Variants in CNTN4 observed in about 807,000 individuals in gnomAD.
CNTN4 encodes the protein contactin 4, also known as contactin-4.
Under a neutral mutation model 122.5 loss-of-function variants are expected in CNTN4, and 77 were observed. That is an observed-to-expected ratio of 0.63 (90% CI 0.52 to 0.76). The LOEUF (loss-of-function observed/expected upper bound fraction) is 0.76, where lower values mean the gene tolerates loss of function less well. Ranked by LOEUF, CNTN4 falls within the 30% of genes least tolerant of loss-of-function variation. The pLI is 0.00. For missense variants in CNTN4, 1,256 were observed against 1,259.1 expected (o/e 1.00, Z 0.04); for synonymous variants, 512 against 447.0 (o/e 1.15, Z -1.83).
At chr3:2,384,783 T>TG (rs1365632081) in intron 3 of CNTN4, among the ~76,000 whole-genome samples, 1 of 152,110 alleles carries the variant, frequency 6.6e-6, no homozygotes, top group African/African-American at 2.4e-5. Context: ...TGTGTGTGTG[T>TG]GTGTGTTCAT....
At chr3:2,227,363 C>G (rs1042730995) in intron 2 of CNTN4, among the ~76,000 whole-genome samples, 3 of 152,074 alleles carry the variant, frequency 2.0e-5, no homozygotes, top group African/African-American at 7.2e-5. Context: ...TAATATGAAC[C>G]TCAACAGTCC....
intron 2 of CNTN4, among the ~76,000 whole-genome samples, chr3:2,269,274 G>A (rs1166892135): frequency 6.6e-6 from 1 of 152,042 alleles, no homozygotes; most frequent in Non-Finnish European, 1.5e-5. Flanking sequence ...TTTAATCAGG[G>A]ATGTTTCTGG....
chr3:2,787,822 C>T (rs2091888150), intron 6 of CNTN4, among the ~76,000 whole-genome samples: 1 of 145,524 alleles, frequency 6.9e-6, no homozygotes, highest in African/African-American at 2.6e-5. Flanking sequence ...CAGGGTCTTG[C>T]TCTGTTGCCC....
At position 2,507,980 on chromosome 3, in the gene CNTN4, A is replaced by G. The variant is rs1310562260; in HGVS notation, c.-88-63436A>G. 2.0e-5 allele frequency among the ~76,000 whole-genome samples: 3 copies of G among 152,220 alleles called. No individual in the cohort carries two copies. The East Asian group carries it at 5.8e-4, about 30-fold the overall frequency. On this transcript the variant is annotated intron_variant, in intron 3 of 24. Transcript: ENST00000418658. ...ATATCAAGGCATATTGCACCCTTTTATCTAGCTCATAGGTCAATTTGATGT... is the reference window on the plus strand; with the variant it reads ...ATATCAAGGCATATTGCACCCTTTTGTCTAGCTCATAGGTCAATTTGATGT...
chr3:2,751,165 A>G (rs1374713515), intron 6 of CNTN4, among the ~76,000 whole-genome samples: 1 of 151,436 alleles, frequency 6.6e-6, no homozygotes. Flanking sequence ...AAAATTAGCC[A>G]GGCATGGTGG....
In CNTN4 at chr3:3,057,771, A is replaced by G. The variant is rs1435527748; in HGVS notation, c.*1551A>G. The G allele has an allele frequency of 6.6e-6, 1 of 152,582 alleles. No individual in the cohort carries two copies. The highest frequency in any genetic ancestry group is 1.5e-5 in the Non-Finnish European group (1 of 68,022). The allele number at this position is 152,582 out of a possible 1,614,324, so 9.5% of individuals were successfully genotyped here. A position where few individuals can be genotyped will look rare whatever the true frequency, so the allele number is the denominator to read the frequency against. ...AGCTGTGTTCCTTTCTTAGTTTGATATGGTTACTTCTATGTTGAAATAAAA... is the reference window on the plus strand; with the variant it reads ...AGCTGTGTTCCTTTCTTAGTTTGATGTGGTTACTTCTATGTTGAAATAAAA... On this transcript the variant is annotated 3_prime_UTR_variant, in exon 25 of 25. Coordinates refer to ENST00000418658, the MANE Select transcript of CNTN4 (RefSeq NM_175607.3).
At chr3:2,668,895 A>C (rs966537276) in intron 4 of CNTN4, among the ~76,000 whole-genome samples, 9 of 152,146 alleles carry the variant, frequency 5.9e-5, no homozygotes, top group African/African-American at 1.7e-4. Context: ...GATTACGTTT[A>C]TTGATTTGCA....
chr3:2,521,298 C>A (rs756336309), intron 3 of CNTN4, among the ~76,000 whole-genome samples: 5 of 151,398 alleles, frequency 3.3e-5, no homozygotes, highest in Admixed American at 6.6e-5. Flanking sequence ...TGAAGCAGGC[C>A]TCTGCTTCAT....
intron 6 of CNTN4, among the ~76,000 whole-genome samples, chr3:2,751,535 A>G (rs2090090729): frequency 6.6e-6 from 1 of 152,184 alleles, no homozygotes; most frequent in Non-Finnish European, 1.5e-5. Flanking sequence ...AATACTTCAA[A>G]AAGTTCTTCC....
At chr3:2,802,724 T>G (rs531935164) in intron 6 of CNTN4, among the ~76,000 whole-genome samples, 47 of 152,152 alleles carry the variant, frequency 3.1e-4, no homozygotes, top group Non-Finnish European at 5.7e-4. Context: ...TGGGGCAACT[T>G]TGCAGAGAAC....
chr3:3,014,946 T>C (rs1697608953), intron 14 of CNTN4, among the ~76,000 whole-genome samples: 1 of 149,002 alleles, frequency 6.7e-6, no homozygotes, highest in African/African-American at 2.5e-5. Flanking sequence ...ATCTCTAGTG[T>C]GGAAGATTGG....
intron 4 of CNTN4, among the ~76,000 whole-genome samples, chr3:2,660,513 C>T (rs1257298871): frequency 6.6e-6 from 1 of 152,178 alleles, no homozygotes; most frequent in Non-Finnish European, 1.5e-5. Context: ...GTTTTGTCTG[C>T]TTCAGGCCTG....
At chr3:2,437,135 A>C (rs1271372268) in intron 3 of CNTN4, among the ~76,000 whole-genome samples, 1 of 152,106 alleles carries the variant, frequency 6.6e-6, no homozygotes. Flanking sequence ...TTTTTATGCC[A>C]GTGGATCCTG....
intron 14 of CNTN4, among the ~76,000 whole-genome samples, chr3:2,991,117 T>C (rs1388704844): frequency 2.0e-5 from 3 of 152,210 alleles, no homozygotes; most frequent in African/African-American, 7.2e-5. Context: ...CCAGGAGAGT[T>C]TTAGTGGACT....
At chr3:2,744,402 A>G (rs577572041) in intron 5 of CNTN4, among the ~76,000 whole-genome samples, 1 of 152,326 alleles carries the variant, frequency 6.6e-6, no homozygotes, top group South Asian at 2.1e-4. Flanking sequence ...TTAAATGGTG[A>G]TTTTTACTAT....
At chr3:2,269,648 C>A (rs2041190259) in intron 2 of CNTN4, among the ~76,000 whole-genome samples, 1 of 152,012 alleles carries the variant, frequency 6.6e-6, no homozygotes, top group Non-Finnish European at 1.5e-5. Flanking sequence ...AGAATTACAC[C>A]TTTCTTTGTC....
At position 2,304,420 on chromosome 3, in the gene CNTN4, A is replaced by G. The variant is rs537857118; in HGVS notation, c.-144-34758A>G. ...TATTAATCTACACCATTTACATTCT[A>G]TGAAACATATTTAGGGCCAGATTCT... On this transcript the variant is annotated intron_variant, in intron 2 of 24. Transcript: ENST00000418658. Among the ~76,000 whole-genome samples the G allele has an allele frequency of 3.3e-5, 5 of 152,266 alleles. No homozygotes were observed. In the East Asian group the frequency reaches 9.7e-4, roughly 29 times the overall value.
chr3:2,572,562 G>C (rs947625700), intron 4 of CNTN4, among the ~76,000 whole-genome samples: 1 of 152,114 alleles, frequency 6.6e-6, no homozygotes, highest in Non-Finnish European at 1.5e-5. Flanking sequence ...ATCATTCCAC[G>C]CCCCTTTGAA....
intron 4 of CNTN4, among the ~76,000 whole-genome samples, chr3:2,678,594 C>T (rs2084998449): frequency 6.6e-6 from 1 of 152,120 alleles, no homozygotes; most frequent in Admixed American, 6.5e-5. Context: ...TATAAAGTGA[C>T]CCTGTTTGCA....
Sources: gnomAD v4.1 joint callset for allele counts (sites outside exome capture counted in the v4.1 genomes callset) on GRCh38, gnomAD v4.1.1 for gene constraint, MANE v1.5 for transcripts, NCBI Gene and HGNC (gene_info 2026-07-23, HGNC 2026-07-21) for gene names.